Variants in CACNA1C observed in about 807,000 individuals in gnomAD.
CACNA1C encodes calcium voltage-gated channel subunit alpha1 C.
Under a neutral mutation model 229.0 loss-of-function variants are expected in CACNA1C, and 30 were observed. The ratio of observed to expected loss-of-function variants is 0.13; its 90% CI spans 0.10 to 0.18. The LOEUF is 0.18. Ranked by LOEUF, CACNA1C falls within the 10% of genes least tolerant of loss-of-function variation. The probability of loss-of-function intolerance (pLI) is 1.00; values close to 1 mark genes in which losing one functional copy is unlikely to be tolerated. For missense variants in CACNA1C, 1,658 were observed against 2,845.0 expected (o/e 0.58, Z 9.49); for synonymous variants, 1,114 against 1,132.5 (o/e 0.98, Z 0.33).
intron 18 of CACNA1C, among the ~76,000 whole-genome samples, chr12:2,589,068 A>G (rs1382333497): frequency 6.6e-6 from 1 of 152,142 alleles, no homozygotes; most frequent in East Asian, 1.9e-4. Context: ...GGATCGTACA[A>G]TCATCAGAGA....
intron 1 of CACNA1C, among the ~76,000 whole-genome samples, chr12:2,113,376 CAT>C (rs898467284): frequency 1.4e-4 from 21 of 152,112 alleles, no homozygotes; most frequent in African/African-American, 5.1e-4. Flanking sequence ...GGAGGTCAAA[CAT>C]AGAAGGATCA....
chr12:1,991,029 C>G, intron 1 of CACNA1C: 1 of 433,310 alleles, frequency 2.3e-6, no homozygotes, highest in Non-Finnish European at 4.6e-6. Context: ...GTAAATAGAT[C>G]CATTCCCTTT....
chr12:2,562,382 T>C lies in CACNA1C; in HGVS notation c.1509-4040T>C, dbSNP rs533122977. Among the ~76,000 whole-genome samples the C allele has an allele frequency of 1.2e-4, 19 of 152,380 alleles. No individual in the cohort carries two copies. In the South Asian group the frequency reaches 3.9e-3, roughly 32 times the overall value. On this transcript the variant is annotated intron_variant, in intron 11 of 46. Transcript: ENST00000399655. Reference sequence around the variant, plus strand: ...ATCAGTGATTTCTGGAACTTGAGACTGTATCTATTTAAAACATGTTCTTTG... The same window carrying C: ...ATCAGTGATTTCTGGAACTTGAGACCGTATCTATTTAAAACATGTTCTTTG...
chr12:2,377,623 A>G (rs1403262843), intron 3 of CACNA1C, among the ~76,000 whole-genome samples: 3 of 152,214 alleles, frequency 2.0e-5, no homozygotes, highest in Admixed American at 6.5e-5. Context: ...AGCCACAGGT[A>G]CTGAGCATTG....
chr12:2,179,244 G>A (rs1211279492), intron 3 of CACNA1C, among the ~76,000 whole-genome samples: 3 of 152,230 alleles, frequency 2.0e-5, no homozygotes, highest in African/African-American at 7.2e-5. Flanking sequence ...ACTCATGGCT[G>A]TGGCAGGCAT....
At chr12:2,166,075 C>T (rs921241633) in intron 3 of CACNA1C, among the ~76,000 whole-genome samples, 1 of 152,206 alleles carries the variant, frequency 6.6e-6, no homozygotes, top group Non-Finnish European at 1.5e-5. Context: ...ATCCATTAAT[C>T]CCATTAGTGC....
intron 37 of CACNA1C, among the ~76,000 whole-genome samples, chr12:2,667,858 G>GC (rs1055631416): frequency 1.3e-5 from 2 of 152,144 alleles, no homozygotes; most frequent in African/African-American, 4.8e-5. Flanking sequence ...CTGACAAATA[G>GC]CCCCCCTTGA....
chr12:2,435,236 A>G (rs1026093988), intron 3 of CACNA1C, among the ~76,000 whole-genome samples: 15 of 152,174 alleles, frequency 9.9e-5, no homozygotes, highest in African/African-American at 3.6e-4. Flanking sequence ...CGCTGCCACC[A>G]CACATCCTGA....
chr12:2,463,814 GACTCTTCT>G (rs2154566344), intron 5 of CACNA1C, among the ~76,000 whole-genome samples: 1 of 152,294 alleles, frequency 6.6e-6, no homozygotes, highest in African/African-American at 2.4e-5. Flanking sequence ...GCTTCATAGA[GACTCTTCT>G]ACAGTAACAG....
intron 3 of CACNA1C, among the ~76,000 whole-genome samples, chr12:2,226,564 CTCA>C (rs1480406985): frequency 1.3e-5 from 2 of 152,228 alleles, no homozygotes; most frequent in Non-Finnish European, 2.9e-5. Context: ...CTCTCCATAT[CTCA>C]TGTTTTTAAA....
At chr12:2,267,007 T>C (rs1232159824) in intron 3 of CACNA1C, among the ~76,000 whole-genome samples, 1 of 152,266 alleles carries the variant, frequency 6.6e-6, no homozygotes, top group African/African-American at 2.4e-5. Flanking sequence ...CCTTTCTTCC[T>C]TTCCTTTTTA....
At chr12:2,185,159 C>G (rs1254542478) in intron 3 of CACNA1C, among the ~76,000 whole-genome samples, 1 of 152,232 alleles carries the variant, frequency 6.6e-6, no homozygotes, top group Non-Finnish European at 1.5e-5. Context: ...ATTTCCCTGG[C>G]TTTTGTCACT....
intron 3 of CACNA1C, among the ~76,000 whole-genome samples, chr12:2,169,957 G>T (rs1321698619): frequency 2.0e-5 from 3 of 152,200 alleles, no homozygotes; most frequent in African/African-American, 7.2e-5. Context: ...GGTGAGGTGA[G>T]CTTGAGGGGT....
chr12:2,610,783 C>A, intron 28 of CACNA1C, 84 bp downstream of exon 28: 1 of 1,373,422 alleles, frequency 7.3e-7, no homozygotes, highest in Non-Finnish European at 1.0e-6. Context: ...CGGCAGGCAG[C>A]TCAGTGCATC....
chr12:2,267,911 C>T (rs1229096666), intron 3 of CACNA1C, among the ~76,000 whole-genome samples: 1 of 152,218 alleles, frequency 6.6e-6, no homozygotes, highest in East Asian at 1.9e-4. Flanking sequence ...TCTCGGAGCA[C>T]CCGCCAAACA....
intron 3 of CACNA1C, among the ~76,000 whole-genome samples, chr12:2,291,574 A>G (rs1317096134): frequency 6.6e-6 from 1 of 152,198 alleles, no homozygotes; most frequent in Non-Finnish European, 1.5e-5. Context: ...TTTAGCGTAA[A>G]TATAGTTTTA....
chr12:2,213,842 C>T (rs1288032239), intron 3 of CACNA1C, among the ~76,000 whole-genome samples: 2 of 152,236 alleles, frequency 1.3e-5, no homozygotes, highest in Admixed American at 1.3e-4. Flanking sequence ...CACTGCCCCT[C>T]CTCCCGCAGT....
At chr12:2,256,203 C>T (rs1214405025) in intron 3 of CACNA1C, among the ~76,000 whole-genome samples, 1 of 152,136 alleles carries the variant, frequency 6.6e-6, no homozygotes, top group Non-Finnish European at 1.5e-5. Context: ...TACCTGGAGG[C>T]TAAGCCCAGG....
intron 3 of CACNA1C, among the ~76,000 whole-genome samples, chr12:2,388,263 G>A (rs1039777222): frequency 2.0e-5 from 3 of 152,180 alleles, no homozygotes; most frequent in Admixed American, 6.5e-5. Flanking sequence ...ATTTGCTCAG[G>A]AAGTAGGTCT....
Sources: allele counts gnomAD v4.1 joint callset (sites outside exome capture counted in the v4.1 genomes callset), GRCh38; gene constraint gnomAD v4.1.1; transcripts MANE v1.5; gene names NCBI Gene and HGNC (gene_info 2026-07-23, HGNC 2026-07-21).